CA13: variants seen among roughly 807,000 people sequenced by gnomAD.
CA13 encodes the protein carbonic anhydrase 13, also known as CA-XIII.
In CA13, 21 loss-of-function variants were observed where a neutral mutation model predicts 31.5. The observed-to-expected ratio is 0.67, with a 90% CI of 0.47 to 0.96. The LOEUF is 0.96. CA13 is among the 40% of genes least tolerant of loss of function. The pLI is 0.00. For synonymous variants in CA13, 117 were observed against 111.4 expected (o/e 1.05, Z -0.32); for missense variants, 315 against 318.9 (o/e 0.99, Z 0.09).
At chr8:85,259,633 G>A in intron 3 of CA13, 94 bp downstream of exon 3, 1 of 940,310 alleles carries the variant, frequency 1.1e-6, no homozygotes, top group African/African-American at 1.6e-5. Flanking sequence ...AATAGATCCT[G>A]AGCCAATTAG....
chr8:85,266,710 A>G lies in CA13; in HGVS notation c.450+7A>G, dbSNP rs371902696. 46 of 1,601,870 alleles carry G rather than the reference A, an allele frequency of 2.9e-5. No individual in the cohort carries two copies. Among genetic ancestry groups the G allele is most frequent in the Non-Finnish European group, 3.7e-5 (43 of 1,169,580 alleles). On this transcript the variant is annotated splice_region_variant and intron_variant, in intron 4 of 6. Coordinates refer to ENST00000321764, the MANE Select transcript of CA13 (RefSeq NM_198584.3). ...CTTGGGAGTGTTTTTACAGGTGAGAATCTACTGTTTTCATTTTAAATGATC... is the reference window on the plus strand; with the variant it reads ...CTTGGGAGTGTTTTTACAGGTGAGAGTCTACTGTTTTCATTTTAAATGATC...
chr8:85,250,999 C>CT, intron 2 of CA13, 62 bp downstream of exon 2: 1 of 903,632 alleles, frequency 1.1e-6, no homozygotes, highest in Non-Finnish European at 1.6e-6. Context: ...TTAGACTATA[C>CT]TCTTTTTTTT....
chr8:85,250,740 G>T lies in CA13; in HGVS notation c.38G>T (p.Gly13Val). ...RLSWGYREHN[G>V]PIHWKEFFPI... is the part of the protein sequence containing the mutation. ...TTTCTTTTGGTCCTATATATTTAAG[G>T]TCCTATTCACTGGAAGGAATTTTTC... Residue 13 changes from glycine to valine, a missense_variant and splice_region_variant, in exon 2 of 7, where the codon GGT becomes GTT. Gly to Val is a moderately radical substitution (Grantham distance 109, BLOSUM62 -3). Coordinates refer to ENST00000321764, the MANE Select transcript of CA13 (RefSeq NM_198584.3). The T allele has an allele frequency of 6.3e-7, 1 of 1,598,180 alleles. No homozygotes were observed. Among genetic ancestry groups the T allele is most frequent in the Non-Finnish European group, 8.6e-7 (1 of 1,165,606 alleles).
chr8:85,248,970 A>G (rs955089162), intron 1 of CA13, among the ~76,000 whole-genome samples: 2 of 152,234 alleles, frequency 1.3e-5, no homozygotes, highest in African/African-American at 4.8e-5. Flanking sequence ...TAGAAAAAGT[A>G]CTCAGAAAGA....
intron 1 of CA13, 61 bp from the exon 2 acceptor site, chr8:85,250,679 T>C: frequency 1.9e-6 from 2 of 1,051,892 alleles, no homozygotes; most frequent in Non-Finnish European, 2.9e-6. Context: ...TTATACTCAA[T>C]GTATGTTTGT....
intron 3 of CA13, among the ~76,000 whole-genome samples, chr8:85,262,798 G>A (rs1293740867): frequency 6.6e-6 from 1 of 152,160 alleles, no homozygotes; most frequent in African/African-American, 2.4e-5. Flanking sequence ...TGGCTGGCTG[G>A]CAGTGGCAGC....
intron 6 of CA13, among the ~76,000 whole-genome samples, chr8:85,277,159 C>A (rs1454363498): frequency 6.6e-6 from 1 of 152,198 alleles, no homozygotes; most frequent in East Asian, 1.9e-4. Flanking sequence ...CTGAGGTCTT[C>A]TTCCACACCG....
intron 6 of CA13, among the ~76,000 whole-genome samples, chr8:85,274,771 A>G (rs1807577868): frequency 2.0e-5 from 3 of 152,186 alleles, no homozygotes; most frequent in African/African-American, 7.2e-5. Flanking sequence ...CAATAACCCC[A>G]TGAACCATCC....
At chr8:85,250,523 C>T (rs1813806896) in intron 1 of CA13, among the ~76,000 whole-genome samples, 1 of 152,088 alleles carries the variant, frequency 6.6e-6, no homozygotes, top group South Asian at 2.1e-4. Flanking sequence ...TAATTCTGAA[C>T]ATGACTTAAG....
chr8:85,252,810 TATTA>T (rs1179269684), intron 2 of CA13, among the ~76,000 whole-genome samples: 3 of 152,228 alleles, frequency 2.0e-5, no homozygotes, highest in Non-Finnish European at 2.9e-5. Context: ...AGTTTTTACT[TATTA>T]ATTGAGCCCA....
chr8:85,266,213 T>G (rs940006258), intron 3 of CA13, among the ~76,000 whole-genome samples: 1 of 152,194 alleles, frequency 6.6e-6, no homozygotes, highest in East Asian at 1.9e-4. Context: ...TTTTCTGATA[T>G]GAAGTGTCGC....
intron 1 of CA13, among the ~76,000 whole-genome samples, chr8:85,247,509 GA>G (rs1259059086): frequency 1.3e-5 from 2 of 152,188 alleles, no homozygotes; most frequent in African/African-American, 2.4e-5. Flanking sequence ...GTGGTCTTCA[GA>G]GAAAGATTGG....
In CA13 at chr8:85,255,624, C is replaced by T. The variant is rs1013179333; in HGVS notation, c.236-3797C>T. ...AACTCCTGGCCTCAAGTAATCCACC[C>T]GCCTTGGCCTCCCAAAGTGCTGGGA... is the stretch of plus-strand genomic sequence containing the variant. On this transcript the variant is annotated intron_variant, in intron 2 of 6. Coordinates refer to ENST00000321764, the MANE Select transcript of CA13 (RefSeq NM_198584.3). Among the ~76,000 whole-genome samples the T allele has an allele frequency of 4.6e-5, 7 of 152,160 alleles. No homozygotes were observed. In the South Asian group the frequency reaches 6.2e-4, roughly 14 times the overall value.
chr8:85,256,640 G>A (rs1807301206), intron 2 of CA13, among the ~76,000 whole-genome samples: 1 of 152,152 alleles, frequency 6.6e-6, no homozygotes, highest in Non-Finnish European at 1.5e-5. Context: ...CCCCCCAGGA[G>A]CCAAGATAGC....
intron 6 of CA13, among the ~76,000 whole-genome samples, chr8:85,276,876 A>G (rs1472672621): frequency 6.7e-6 from 1 of 149,954 alleles, no homozygotes; most frequent in Non-Finnish European, 1.5e-5. Context: ...ACCAATCGGC[A>G]CTCTTTATCT....
In CA13 at chr8:85,246,020, C is replaced by T. The variant is rs17740658; in HGVS notation, c.37+155C>T. On this transcript the variant is annotated intron_variant, in intron 1 of 6. Coordinates refer to ENST00000321764, the MANE Select transcript of CA13 (RefSeq NM_198584.3). ...AAGCAGCACTCCTGGGAGCCCAGTG[C>T]GAGAAGCGGAGAGCAGTCTTGTCAG... Among the ~76,000 whole-genome samples, 94,196 of 152,046 alleles carry T rather than the reference C, an allele frequency of 0.62. 29,669 individuals carry two copies. Among genetic ancestry groups the T allele is most frequent in the Non-Finnish European group, 0.65 (44,037 of 68,010 alleles).
intron 6 of CA13, 63 bp from the exon 7 acceptor site, chr8:85,281,166 AG>A: frequency 1.3e-6 from 2 of 1,567,328 alleles, no homozygotes; most frequent in Non-Finnish European, 1.7e-6. Context: ...TTCTTTATGC[AG>A]GGTAATTCAT....
At chr8:85,270,089 A>G (rs1199995492) in intron 6 of CA13, among the ~76,000 whole-genome samples, 2 of 152,128 alleles carry the variant, frequency 1.3e-5, no homozygotes, top group East Asian at 1.9e-4. Context: ...GGCCAATCTG[A>G]TGGGTGGATG....
chr8:85,273,874 G>C (rs1807563299), intron 6 of CA13, among the ~76,000 whole-genome samples: 1 of 152,048 alleles, frequency 6.6e-6, no homozygotes, highest in South Asian at 2.1e-4. Context: ...GTGCAGACGG[G>C]CTGAGGTCTA....
Sources: gnomAD v4.1 joint callset for allele counts (sites outside exome capture counted in the v4.1 genomes callset) on GRCh38, gnomAD v4.1.1 for gene constraint, MANE v1.5 for transcripts, NCBI Gene and HGNC (gene_info 2026-07-23, HGNC 2026-07-21) for gene names.